Variants in PRKN observed in about 807,000 individuals in gnomAD.
PRKN encodes parkin RBR E3 ubiquitin protein ligase.
Under a neutral mutation model 59.5 loss-of-function variants are expected in PRKN, and 56 were observed. The observed-to-expected ratio is 0.94, with a 90% confidence interval of 0.76 to 1.18. PRKN has a LOEUF of 1.18. PRKN is among the 50% of genes most tolerant of loss of function. PRKN has a pLI of 0.00. For missense variants in PRKN, 657 were observed against 596.4 expected (o/e 1.10, Z -1.06); for synonymous variants, 250 against 222.1 (o/e 1.13, Z -1.12).
chr6:162,087,986 A>C (rs1457320291), intron 4 of PRKN, among the ~76,000 whole-genome samples: 1 of 152,142 alleles, frequency 6.6e-6, no homozygotes, highest in Non-Finnish European at 1.5e-5. Flanking sequence ...CTCTGGCTTG[A>C]GAGAGAGTCA....
At chr6:162,009,037 G>A (rs901021306) in intron 5 of PRKN, among the ~76,000 whole-genome samples, 18 of 151,522 alleles carry the variant, frequency 1.2e-4, no homozygotes, top group Non-Finnish European at 1.8e-4. Flanking sequence ...GGCGGATCAC[G>A]AGGTCAGGAG....
chr6:161,686,032 C>CA (rs1056088660), intron 7 of PRKN, among the ~76,000 whole-genome samples: 1 of 91,058 alleles, frequency 1.1e-5, no homozygotes, highest in African/African-American at 4.2e-5. Flanking sequence ...AATTTAATGA[C>CA]AAAAATACTG....
At chr6:162,340,491 T>A (rs1040740776) in intron 2 of PRKN, among the ~76,000 whole-genome samples, 3 of 152,240 alleles carry the variant, frequency 2.0e-5, no homozygotes, top group African/African-American at 7.2e-5. Context: ...GTATTGCTTC[T>A]GAAAATTAAC....
chr6:161,567,527 C>T (rs1780701041), intron 8 of PRKN, among the ~76,000 whole-genome samples: 1 of 152,034 alleles, frequency 6.6e-6, no homozygotes, highest in South Asian at 2.1e-4. Flanking sequence ...CAGTAAGTAT[C>T]AGCTGAAAGA....
At chr6:161,996,121 T>C (rs139878936) in intron 5 of PRKN, among the ~76,000 whole-genome samples, 2 of 152,220 alleles carry the variant, frequency 1.3e-5, no homozygotes, top group African/African-American at 4.8e-5. Context: ...GGTCAAGATA[T>C]GGAGTCAACC....
At chr6:162,577,344 A>T (rs1465343299) in intron 1 of PRKN, among the ~76,000 whole-genome samples, 1 of 151,192 alleles carries the variant, frequency 6.6e-6, no homozygotes, top group Non-Finnish European at 1.5e-5. Context: ...TCGTGCCTGT[A>T]ATCCCAGCAC....
intron 7 of PRKN, among the ~76,000 whole-genome samples, chr6:161,625,016 T>C (rs1284928927): frequency 6.6e-6 from 1 of 152,230 alleles, no homozygotes; most frequent in East Asian, 1.9e-4. Flanking sequence ...CATTATGCCA[T>C]TCAACACTTC....
At chr6:161,839,511 A>G (rs969514671) in intron 6 of PRKN, among the ~76,000 whole-genome samples, 2 of 152,068 alleles carry the variant, frequency 1.3e-5, no homozygotes, top group South Asian at 2.1e-4. Context: ...AGCCCAGGAA[A>G]GTTCTGGCCC....
chr6:162,504,162 G>A (rs1282013424), intron 1 of PRKN, among the ~76,000 whole-genome samples: 2 of 152,192 alleles, frequency 1.3e-5, no homozygotes. Context: ...CCAACCCGGA[G>A]TGGTGAGAAC....
chr6:161,487,130 C>T lies in PRKN; in HGVS notation c.1083+61724G>A, dbSNP rs1359511935. 6.6e-6 allele frequency among the ~76,000 whole-genome samples: 1 copy of T among 152,184 alleles called. No individual in the cohort carries two copies. Among genetic ancestry groups the T allele is most frequent in the Admixed American group, 6.5e-5 (1 of 15,276 alleles). Reference sequence around the variant, plus strand: ...GGTAAGAATGACTAATGCTTATGAACCATTGCCTGATAAACACTGTGCCCA... The same window carrying T: ...GGTAAGAATGACTAATGCTTATGAATCATTGCCTGATAAACACTGTGCCCA... On this transcript the variant is annotated intron_variant, in intron 9 of 11. Coordinates refer to ENST00000366898, the MANE Select transcript of PRKN (RefSeq NM_004562.3). The surrounding 1 kb of genome is among the most constrained non-coding windows in gnomAD (Gnocchi z 5.3).
intron 6 of PRKN, among the ~76,000 whole-genome samples, chr6:161,847,255 C>T (rs1269101890): frequency 6.6e-6 from 1 of 151,880 alleles, no homozygotes; most frequent in South Asian, 2.1e-4. Flanking sequence ...TTGCAGTGAG[C>T]GGAGATGGCG....
At chr6:162,018,466 A>G (rs1000287297) in intron 5 of PRKN, among the ~76,000 whole-genome samples, 29 of 152,216 alleles carry the variant, frequency 1.9e-4, no homozygotes, top group African/African-American at 5.5e-4. Flanking sequence ...CCATTTTTGA[A>G]TTACTTGGAG....
At chr6:161,504,013 T>C (rs774296231) in intron 9 of PRKN, among the ~76,000 whole-genome samples, 6 of 152,230 alleles carry the variant, frequency 3.9e-5, no homozygotes, top group Admixed American at 6.5e-5. Context: ...TTTATTATGA[T>C]AGTGTTAGGT....
intron 3 of PRKN, among the ~76,000 whole-genome samples, chr6:162,260,212 A>T (rs1779829037): frequency 6.6e-6 from 1 of 152,130 alleles, no homozygotes; most frequent in Non-Finnish European, 1.5e-5. Flanking sequence ...CAAAAGCACA[A>T]GGCTGGCAGG....
chr6:162,332,743 G>C (rs1054259002), intron 2 of PRKN, among the ~76,000 whole-genome samples: 1 of 151,998 alleles, frequency 6.6e-6, no homozygotes, highest in African/African-American at 2.4e-5. Context: ...TGAGACACTG[G>C]CAGGCAGGGC....
At chr6:162,115,515 A>T (rs1464880433) in intron 4 of PRKN, among the ~76,000 whole-genome samples, 2 of 151,184 alleles carry the variant, frequency 1.3e-5, no homozygotes, top group African/African-American at 2.4e-5. Flanking sequence ...TAAATACATT[A>T]AAATAAATAA....
intron 6 of PRKN, among the ~76,000 whole-genome samples, chr6:161,821,698 G>T (rs1792031370): frequency 8.1e-6 from 1 of 124,044 alleles, no homozygotes; most frequent in Non-Finnish European, 1.7e-5. Flanking sequence ...TTCACTTTTG[G>T]AAAATATTTC....
At chr6:161,721,775 G>A (rs749479282) in intron 7 of PRKN, among the ~76,000 whole-genome samples, 9 of 151,958 alleles carry the variant, frequency 5.9e-5, no homozygotes, top group Non-Finnish European at 7.4e-5. Context: ...ACCCCTACTC[G>A]GTGAACAGAA....
At chr6:161,604,786 A>C (rs965934442) in intron 7 of PRKN, among the ~76,000 whole-genome samples, 1 of 152,194 alleles carries the variant, frequency 6.6e-6, no homozygotes. Flanking sequence ...AATACAAAAA[A>C]GAGCCGGGTG....
Sources: allele counts gnomAD v4.1 joint callset (sites outside exome capture counted in the v4.1 genomes callset), GRCh38; gene constraint gnomAD v4.1.1; non-coding constraint Gnocchi (gnomAD v3.1); transcripts MANE v1.5; gene names NCBI Gene and HGNC (gene_info 2026-07-23, HGNC 2026-07-21).